Variants in XKR4 observed in about 807,000 individuals in gnomAD.
XKR4 encodes the protein XK-related protein 4.
XKR4 carries 12 observed loss-of-function variants against 53.9 expected under a neutral mutation model. That is an observed-to-expected ratio of 0.22 (90% CI 0.14 to 0.36). The LOEUF (loss-of-function observed/expected upper bound fraction) is 0.36, where lower values mean the gene tolerates loss of function less well. Among genes scored for constraint, XKR4 ranks in the 10% least tolerant of loss-of-function variants. XKR4 has a pLI of 1.00. For missense variants in XKR4, 799 were observed against 859.5 expected (o/e 0.93, Z 0.88); for synonymous variants, 354 against 362.4 (o/e 0.98, Z 0.26).
At chr8:55,181,793 G>A (rs945192289) in intron 1 of XKR4, among the ~76,000 whole-genome samples, 12 of 152,068 alleles carry the variant, frequency 7.9e-5, no homozygotes, top group Middle Eastern at 3.2e-3. Flanking sequence ...ATGGAGCACC[G>A]AGAAGATAAG....
At chr8:55,265,656 G>GCCTAGGAA (rs2129371680) in intron 1 of XKR4, among the ~76,000 whole-genome samples, 1 of 151,854 alleles carries the variant, frequency 6.6e-6, no homozygotes, top group Admixed American at 6.5e-5. Flanking sequence ...GAGCCTAGGA[G>GCCTAGGAA]CCTGGGAAAA....
At chr8:55,341,400 T>A (rs1201499437) in intron 1 of XKR4, among the ~76,000 whole-genome samples, 6 of 152,152 alleles carry the variant, frequency 3.9e-5, no homozygotes, top group Admixed American at 2.6e-4. Context: ...TAGGCTGCCC[T>A]GCATGAGGTC....
chr8:55,241,961 G>A (rs1171490471), intron 1 of XKR4, among the ~76,000 whole-genome samples: 5 of 152,158 alleles, frequency 3.3e-5, no homozygotes, highest in Non-Finnish European at 7.3e-5. Context: ...TATGGGTATA[G>A]CTGTGTTTAT....
chr8:55,382,411 A>G (rs1025576399), intron 2 of XKR4, among the ~76,000 whole-genome samples: 3 of 152,382 alleles, frequency 2.0e-5, no homozygotes, highest in Non-Finnish European at 2.9e-5. Flanking sequence ...ATAAAATATG[A>G]TACTGAATTA....
chr8:55,223,421 T>C (rs958348447), intron 1 of XKR4, among the ~76,000 whole-genome samples: 3 of 152,186 alleles, frequency 2.0e-5, no homozygotes, highest in African/African-American at 7.2e-5. Context: ...AAGATAAAAA[T>C]GTGACTTCGT....
intron 2 of XKR4, among the ~76,000 whole-genome samples, chr8:55,415,317 A>T (rs1449044696): frequency 1.3e-5 from 2 of 152,192 alleles, no homozygotes; most frequent in Admixed American, 6.5e-5. Flanking sequence ...TGGACAGGGG[A>T]GGGTTAAGCT....
intron 2 of XKR4, among the ~76,000 whole-genome samples, chr8:55,432,104 A>C (rs1156519880): frequency 1.3e-5 from 2 of 152,054 alleles, no homozygotes; most frequent in East Asian, 1.9e-4. Flanking sequence ...GTGGTTGTAA[A>C]TTTTATCCAG....
intron 2 of XKR4, chr8:55,453,306 T>C: frequency 2.1e-6 from 1 of 483,608 alleles, no homozygotes; most frequent in East Asian, 6.5e-5. Context: ...TTCATCATAC[T>C]GATGACAAAG....
At chr8:55,502,589 A>G (rs1174647293) in intron 2 of XKR4, among the ~76,000 whole-genome samples, 2 of 145,330 alleles carry the variant, frequency 1.4e-5, no homozygotes, top group East Asian at 1.9e-4. Flanking sequence ...TGGGGTGGGG[A>G]GGTTGTTATT....
chr8:55,320,299 C>A (rs1017386973), intron 1 of XKR4, among the ~76,000 whole-genome samples: 3 of 152,140 alleles, frequency 2.0e-5, no homozygotes, highest in Non-Finnish European at 4.4e-5. Flanking sequence ...CAAGACCTCA[C>A]CTGTTAGGCT....
intron 2 of XKR4, among the ~76,000 whole-genome samples, chr8:55,383,143 G>A (rs1170078084): frequency 6.6e-6 from 1 of 152,182 alleles, no homozygotes; most frequent in African/African-American, 2.4e-5. Context: ...AACCTGGGAG[G>A]CAGAAGTTGC....
At chr8:55,454,490 A>G (rs1485876642) in intron 2 of XKR4, 4 of 1,229,280 alleles carry the variant, frequency 3.3e-6, no homozygotes, top group Non-Finnish European at 4.7e-6. Flanking sequence ...GGCACAGACC[A>G]AAGACAGTAC....
chr8:55,523,195 T>C, intron 2 of XKR4, 86 bp from the exon 3 acceptor site: 1 of 1,226,962 alleles, frequency 8.2e-7, no homozygotes. Context: ...AAGCCAGCCT[T>C]CCCCAAGCCC....
At chr8:55,445,625 G>A (rs1179029059) in intron 2 of XKR4, among the ~76,000 whole-genome samples, 1 of 152,054 alleles carries the variant, frequency 6.6e-6, no homozygotes, top group Admixed American at 6.5e-5. Flanking sequence ...ACAGATAAAA[G>A]TGGTTTCTCA....
In XKR4 at chr8:55,186,642, T is replaced by C. The variant is rs1427251184; in HGVS notation, c.806+83348T>C. On this transcript the variant is annotated intron_variant, in intron 1 of 2. Coordinates refer to ENST00000327381, the MANE Select transcript of XKR4 (RefSeq NM_052898.2). ...CTGCACTCCAGCCTGGGGGACAGAG[T>C]GAGACTCCGTCTCAAAAATAAATAA... 7.9e-5 allele frequency among the ~76,000 whole-genome samples: 12 copies of C among 151,902 alleles called. 1 individual carries two copies. The highest frequency in any genetic ancestry group is 1.2e-4 in the Non-Finnish European group (8 of 67,990).
intron 2 of XKR4, among the ~76,000 whole-genome samples, chr8:55,373,860 T>A (rs962137579): frequency 1.4e-4 from 21 of 152,182 alleles, no homozygotes; most frequent in African/African-American, 4.6e-4. Flanking sequence ...CTCTTTCAAA[T>A]TCAGTTTGGC....
intron 2 of XKR4, among the ~76,000 whole-genome samples, chr8:55,397,355 G>A (rs1218357353): frequency 6.6e-6 from 1 of 152,182 alleles, no homozygotes; most frequent in Non-Finnish European, 1.5e-5. Context: ...TGCAGGGAAA[G>A]CCAGAGCCCT....
At chr8:55,184,073 C>A (rs931237963) in intron 1 of XKR4, among the ~76,000 whole-genome samples, 2 of 152,230 alleles carry the variant, frequency 1.3e-5, no homozygotes, top group Admixed American at 1.3e-4. Flanking sequence ...TCTGCATCTA[C>A]AGGGCTTCTC....
At chr8:55,404,315 TAG>T (rs1804655139) in intron 2 of XKR4, among the ~76,000 whole-genome samples, 1 of 152,168 alleles carries the variant, frequency 6.6e-6, no homozygotes, top group Non-Finnish European at 1.5e-5. Flanking sequence ...ACATGACACA[TAG>T]AGTCACTGAA....
Sources: allele counts gnomAD v4.1 joint callset (sites outside exome capture counted in the v4.1 genomes callset), GRCh38; gene constraint gnomAD v4.1.1; transcripts MANE v1.5; gene names NCBI Gene and HGNC (gene_info 2026-07-23, HGNC 2026-07-21).